Variants in OSBPL1A observed in about 807,000 individuals in gnomAD.
OSBPL1A encodes oxysterol-binding protein-related protein 1.
OSBPL1A carries 80 observed loss-of-function variants against 137.1 expected under a neutral mutation model. That is an observed-to-expected ratio of 0.58 (90% confidence interval 0.49 to 0.70). The LOEUF (loss-of-function observed/expected upper bound fraction) is 0.70, where lower values mean the gene tolerates loss of function less well. Among genes scored for constraint, OSBPL1A ranks in the 30% least tolerant of loss-of-function variants. The pLI is 0.00. For synonymous variants in OSBPL1A, 365 were observed against 389.7 expected, an observed-to-expected ratio of 0.94 and a Z score of 0.75; for missense variants, 970 against 1,129.4, an observed-to-expected ratio of 0.86 and a Z score of 2.02.
chr18:24,316,260 C>CA (rs1322010033), intron 11 of OSBPL1A, among the ~76,000 whole-genome samples: 8 of 151,426 alleles, frequency 5.3e-5, no homozygotes, highest in African/African-American at 1.9e-4. Flanking sequence ...GATTCCATCT[C>CA]AAAAAAACAG....
At chr18:24,352,414 G>C (rs1454519290) in intron 4 of OSBPL1A, among the ~76,000 whole-genome samples, 1 of 152,154 alleles carries the variant, frequency 6.6e-6, no homozygotes, top group Non-Finnish European at 1.5e-5. Context: ...AACAATGAAA[G>C]AGGATACAAA....
At chr18:24,389,284 C>T (rs1159031243) in intron 1 of OSBPL1A, among the ~76,000 whole-genome samples, 3 of 152,146 alleles carry the variant, frequency 2.0e-5, no homozygotes, top group Non-Finnish European at 2.9e-5. Context: ...AGATGGAAAA[C>T]ATTTTGAGCT....
chr18:24,261,487 C>G (rs190598832), intron 15 of OSBPL1A, among the ~76,000 whole-genome samples: 1 of 152,262 alleles, frequency 6.6e-6, no homozygotes. Flanking sequence ...AAAAACCACT[C>G]ATATATTGAC....
intron 1 of OSBPL1A, among the ~76,000 whole-genome samples, chr18:24,385,683 TAGA>T (rs766178386): frequency 1.3e-5 from 2 of 151,930 alleles, no homozygotes; most frequent in African/African-American, 2.4e-5. Flanking sequence ...CTTTGGCAAA[TAGA>T]AGAAGGCCAC....
intron 16 of OSBPL1A, among the ~76,000 whole-genome samples, chr18:24,226,767 T>C (rs2088091310): frequency 6.6e-6 from 1 of 152,208 alleles, no homozygotes; most frequent in Admixed American, 6.5e-5. Flanking sequence ...ATAAATGATC[T>C]AAGTTACCTG....
intron 17 of OSBPL1A, among the ~76,000 whole-genome samples, chr18:24,212,839 A>T (rs1012407424): frequency 6.6e-6 from 1 of 152,224 alleles, no homozygotes; most frequent in African/African-American, 2.4e-5. Context: ...AAAGTGTCTA[A>T]AATTTACCGA....
intron 2 of OSBPL1A, chr18:24,368,576 C>T (rs1193668956): frequency 1.4e-5 from 7 of 498,468 alleles, no homozygotes; most frequent in African/African-American, 3.9e-5. Flanking sequence ...CCTTCTGACT[C>T]GATGTCTTCA....
intron 15 of OSBPL1A, among the ~76,000 whole-genome samples, chr18:24,241,364 T>G (rs906836323): frequency 1.3e-5 from 2 of 152,200 alleles, no homozygotes; most frequent in African/African-American, 4.8e-5. Flanking sequence ...GAGAAAATTT[T>G]TGCAATCTAT....
chr18:24,348,851 C>T (rs920071304), intron 4 of OSBPL1A, among the ~76,000 whole-genome samples: 3 of 152,066 alleles, frequency 2.0e-5, no homozygotes, highest in African/African-American at 7.2e-5. Flanking sequence ...ACAAAGTTCA[C>T]CCCACAATGA....
At chr18:24,174,962 A>T (rs1288119740) in intron 21 of OSBPL1A, among the ~76,000 whole-genome samples, 1 of 150,980 alleles carries the variant, frequency 6.6e-6, no homozygotes, top group Non-Finnish European at 1.5e-5. Context: ...TTATTTTTTT[A>T]GAGACGGATT....
At chr18:24,178,247 ACT>A in intron 20 of OSBPL1A, 52 bp from the exon 21 acceptor site, 7 of 1,412,780 alleles carry the variant, frequency 5.0e-6, no homozygotes, top group Non-Finnish European at 6.7e-6. Context: ...ATTATAATTA[ACT>A]CTATCATTAA....
chr18:24,333,325 C>A (rs998037556), intron 6 of OSBPL1A, among the ~76,000 whole-genome samples: 1 of 152,168 alleles, frequency 6.6e-6, no homozygotes, highest in Non-Finnish European at 1.5e-5. Context: ...ACAAGAGACA[C>A]TCTGCACTGT....
chr18:24,195,287 C>T (rs1272144578), intron 18 of OSBPL1A, among the ~76,000 whole-genome samples: 1 of 151,648 alleles, frequency 6.6e-6, no homozygotes, highest in African/African-American at 2.4e-5. Context: ...GGTAATGAGC[C>T]CCTGTCTCAA....
At chr18:24,234,802 T>C (rs1187237302) in intron 16 of OSBPL1A, among the ~76,000 whole-genome samples, 1 of 151,662 alleles carries the variant, frequency 6.6e-6, no homozygotes, top group Admixed American at 6.6e-5. Flanking sequence ...TTGAAAAATC[T>C]TTTTTTTTCA....
chr18:24,192,525 T>C (rs1362471975), intron 18 of OSBPL1A, among the ~76,000 whole-genome samples: 1 of 152,250 alleles, frequency 6.6e-6, no homozygotes, highest in Non-Finnish European at 1.5e-5. Context: ...TCTGACATTT[T>C]GATAACATAA....
chr18:24,392,309 T>C (rs1049249178), intron 1 of OSBPL1A, among the ~76,000 whole-genome samples: 15 of 152,054 alleles, frequency 9.9e-5, no homozygotes, highest in African/African-American at 3.6e-4. Flanking sequence ...TACAAGCATG[T>C]GCCACCATGC....
intron 7 of OSBPL1A, among the ~76,000 whole-genome samples, chr18:24,325,566 C>G (rs1371012069): frequency 6.6e-6 from 1 of 152,174 alleles, no homozygotes; most frequent in Non-Finnish European, 1.5e-5. Context: ...TAAGATACCC[C>G]CCATCCTACC....
chr18:24,352,392 G>GA (rs1392262504), intron 4 of OSBPL1A, among the ~76,000 whole-genome samples: 1 of 151,990 alleles, frequency 6.6e-6, no homozygotes, highest in Non-Finnish European at 1.5e-5. Context: ...TCTAAAATTA[G>GA]AAAAATAAAA....
intron 4 of OSBPL1A, among the ~76,000 whole-genome samples, chr18:24,353,826 C>A (rs1237889917): frequency 6.6e-6 from 1 of 150,776 alleles, no homozygotes; most frequent in Admixed American, 6.7e-5. Flanking sequence ...GGACGAGAAA[C>A]CAAACACCGC....
Sources: allele counts gnomAD v4.1 joint callset (sites outside exome capture counted in the v4.1 genomes callset), GRCh38; gene constraint gnomAD v4.1.1; transcripts MANE v1.5; gene names NCBI Gene and HGNC (gene_info 2026-07-23, HGNC 2026-07-21).